Variants in SLAIN2 observed in about 807,000 individuals in gnomAD.
The protein encoded by SLAIN2 is SLAIN family member 2, also known as SLAIN motif-containing protein 2.
SLAIN2 carries 31 observed loss-of-function variants against 56.6 expected under a neutral mutation model. The observed-to-expected ratio is 0.55, with a 90% CI of 0.41 to 0.74. The LOEUF is 0.74. SLAIN2 is among the 30% of genes least tolerant of loss of function. The probability of loss-of-function intolerance (pLI) is 0.00; values close to 1 mark genes in which losing one functional copy is unlikely to be tolerated. For missense variants in SLAIN2, 777 were observed against 754.2 expected, an observed-to-expected ratio of 1.03 and a Z score of -0.35; for synonymous variants, 317 against 284.9, an observed-to-expected ratio of 1.11 and a Z score of -1.13.
chr4:48,348,297 C>T (rs1203251281), intron 1 of SLAIN2, among the ~76,000 whole-genome samples: 1 of 152,162 alleles, frequency 6.6e-6, no homozygotes, highest in Non-Finnish European at 1.5e-5. Context: ...CTGAATGCTC[C>T]TGTGGCAGGC....
At chr4:48,378,232 G>C (rs1715879452) in intron 3 of SLAIN2, among the ~76,000 whole-genome samples, 172 bp downstream of exon 3, 1 of 152,168 alleles carries the variant, frequency 6.6e-6, no homozygotes. Context: ...TTAGGCACCA[G>C]GGGTATAAAC....
intron 6 of SLAIN2, among the ~76,000 whole-genome samples, chr4:48,399,400 T>G (rs77747776): frequency 0.025 from 3,864 of 152,324 alleles, 59 homozygotes; most frequent in Admixed American, 0.044. Flanking sequence ...AAGAAGCTCT[T>G]GAGCTGAAAT....
chr4:48,370,885 G>T (rs1715645033), intron 2 of SLAIN2, among the ~76,000 whole-genome samples: 1 of 152,088 alleles, frequency 6.6e-6, no homozygotes. Flanking sequence ...GTGCTTTGTG[G>T]TTAGAGTTTA....
chr4:48,350,454 A>G (rs1714981412), intron 1 of SLAIN2, among the ~76,000 whole-genome samples: 1 of 152,238 alleles, frequency 6.6e-6, no homozygotes, highest in Non-Finnish European at 1.5e-5. Context: ...AGTAAATAGC[A>G]GAATTAAGTA....
At chr4:48,388,985 A>G (rs1409524282) in intron 6 of SLAIN2, among the ~76,000 whole-genome samples, 1 of 152,208 alleles carries the variant, frequency 6.6e-6, no homozygotes. Context: ...TTGTCAGCTT[A>G]TGCATAGCCA....
In SLAIN2 at chr4:48,342,117, G is replaced by A; in HGVS notation, c.378G>A (p.Glu126=). ...ELERLSGWEE[E]EESWLYSSPK... Reference sequence around the variant, plus strand: ...AGCGCCTGTCAGGCTGGGAGGAGGAGGAGGAGAGCTGGTGAGCGCGAGGCG... The same window carrying A: ...AGCGCCTGTCAGGCTGGGAGGAGGAAGAGGAGAGCTGGTGAGCGCGAGGCG... The change falls in exon 1 of 8, where the codon GAG becomes GAA. Residue 126 remains glutamate, a synonymous_variant. Coordinates refer to ENST00000264313, the MANE Select transcript of SLAIN2 (RefSeq NM_020846.2). 1 of 1,361,702 alleles carries A rather than the reference G, an allele frequency of 7.3e-7. No homozygotes were observed. Among genetic ancestry groups the A allele is most frequent in the East Asian group, 3.1e-5 (1 of 32,348 alleles). The allele number at this position is 1,361,702 out of a possible 1,614,324, so 84.4% of individuals were successfully genotyped here.
intron 7 of SLAIN2, 50 bp downstream of exon 7, chr4:48,420,493 T>C (rs1717120389): frequency 3.8e-6 from 6 of 1,585,456 alleles, no homozygotes; most frequent in East Asian, 4.5e-5. Context: ...TGAAAGTGGA[T>C]AGACTGGAAT....
intron 4 of SLAIN2, 28 bp downstream of exon 4, chr4:48,379,876 G>T: frequency 6.8e-7 from 1 of 1,473,126 alleles, no homozygotes; most frequent in Non-Finnish European, 9.0e-7. Flanking sequence ...TAAGAGTTGA[G>T]GTTTTTTACT....
intron 1 of SLAIN2, 113 bp downstream of exon 1, chr4:48,342,241 C>T: frequency 8.0e-7 from 1 of 1,248,768 alleles, no homozygotes; most frequent in Non-Finnish European, 1.0e-6. Context: ...GGTCCGCTCT[C>T]CTGTGGCGAC....
At chr4:48,383,022 G>C (rs1362283503) in intron 5 of SLAIN2, 95 bp downstream of exon 5, 3 of 1,317,022 alleles carry the variant, frequency 2.3e-6, no homozygotes, top group Non-Finnish European at 3.0e-6. Context: ...TTCAAAATTA[G>C]CTGGGCATGG....
chr4:48,343,862 C>T (rs1361082801), intron 1 of SLAIN2, among the ~76,000 whole-genome samples: 1 of 152,164 alleles, frequency 6.6e-6, no homozygotes, highest in Non-Finnish European at 1.5e-5. Context: ...TGTGAAATTG[C>T]ATTCTCCCAA....
rs193045063 is a variant in SLAIN2 at position 48,371,510 on chromosome 4, A to T, written c.538+1513A>T. Among the ~76,000 whole-genome samples the T allele has an allele frequency of 1.6e-3, 251 of 152,310 alleles. 2 individuals carry two copies. The highest frequency in any genetic ancestry group is 5.8e-3 in the African/African-American group (243 of 41,582). On this transcript the variant is annotated intron_variant, in intron 2 of 7. Coordinates refer to ENST00000264313, the MANE Select transcript of SLAIN2 (RefSeq NM_020846.2). The stretch of plus-strand genomic sequence containing the variant: ...ATAAGAGATTATTAGAAATATGTAG[A>T]CAAGCTAGTAGACCATTTTAAATAG...
At position 48,372,038 on chromosome 4, in the gene SLAIN2, A is replaced by G. The variant is rs1715683694; in HGVS notation, c.538+2041A>G. On this transcript the variant is annotated intron_variant, in intron 2 of 7. Coordinates refer to ENST00000264313, the MANE Select transcript of SLAIN2 (RefSeq NM_020846.2). ...TATACATATATACACATATATATAC[A>G]TATACATATATACATATATATATAT... Among the ~76,000 whole-genome samples, 6 of 129,512 alleles carry G rather than the reference A, an allele frequency of 4.6e-5. No homozygotes were observed. The South Asian group carries it at 1.6e-3, about 35-fold the overall frequency. 85.0% of individuals were successfully genotyped at this position (129,512 alleles called of 152,430 possible).
intron 6 of SLAIN2, among the ~76,000 whole-genome samples, chr4:48,419,811 G>A (rs142535765): frequency 1.6e-3 from 244 of 152,268 alleles, no homozygotes; most frequent in Non-Finnish European, 3.0e-3. Context: ...TTGTTCATAT[G>A]TGGCCCACAT....
In SLAIN2 at chr4:48,425,173, G is replaced by A. The variant is rs968721715; in HGVS notation, c.*3096G>A. The A allele has an allele frequency of 6.6e-6, 1 of 151,894 alleles. No individual in the cohort carries two copies. Among genetic ancestry groups the A allele is most frequent in the African/African-American group, 2.4e-5 (1 of 41,378 alleles). 9.4% of individuals were successfully genotyped at this position (151,894 alleles called of 1,614,324 possible). A position where few individuals can be genotyped will look rare whatever the true frequency, so the allele number is the denominator to read the frequency against. On this transcript the variant is annotated 3_prime_UTR_variant, in exon 8 of 8. Transcript: ENST00000264313. ...GCCCTTTCAGATTTAGTCTTCATGGGGTTGGATTATGTCTTATATTTTCTC... is the reference window on the plus strand; with the variant it reads ...GCCCTTTCAGATTTAGTCTTCATGGAGTTGGATTATGTCTTATATTTTCTC...
intron 1 of SLAIN2, among the ~76,000 whole-genome samples, chr4:48,366,815 AT>A (rs1199024882): frequency 7.2e-6 from 1 of 139,444 alleles, no homozygotes; most frequent in Non-Finnish European, 1.6e-5. Flanking sequence ...TAATGAAGTA[AT>A]GTTTGTTTTT....
chr4:48,353,888 G>A (rs868141546), intron 1 of SLAIN2, among the ~76,000 whole-genome samples: 4 of 152,154 alleles, frequency 2.6e-5, no homozygotes, highest in South Asian at 2.1e-4. Flanking sequence ...ATTTAATAAG[G>A]ATTAGTGAAT....
chr4:48,364,091 C>T (rs10938529), intron 1 of SLAIN2, among the ~76,000 whole-genome samples: 5 of 71,544 alleles, frequency 7.0e-5, no homozygotes, highest in African/African-American at 2.6e-4. Context: ...GGGCAGCTGC[C>T]GGGCGGAGGG....
At chr4:48,357,849 C>T (rs1189063051) in intron 1 of SLAIN2, among the ~76,000 whole-genome samples, 1 of 152,084 alleles carries the variant, frequency 6.6e-6, no homozygotes, top group African/African-American at 2.4e-5. Flanking sequence ...GCCACCGCAC[C>T]CGGCCCCACT....
Sources: gnomAD v4.1 joint callset for allele counts (sites outside exome capture counted in the v4.1 genomes callset) on GRCh38, gnomAD v4.1.1 for gene constraint, MANE v1.5 for transcripts, NCBI Gene and HGNC (gene_info 2026-07-23, HGNC 2026-07-21) for gene names.